Variants in CNTNAP5 observed in about 807,000 individuals in gnomAD.
CNTNAP5 encodes the protein contactin associated protein family member 5.
In CNTNAP5, 72 loss-of-function variants were observed where a neutral mutation model predicts 150.2. The observed-to-expected ratio is 0.48, with a 90% CI of 0.40 to 0.58. The LOEUF is 0.58. Ranked by LOEUF, CNTNAP5 falls within the 20% of genes least tolerant of loss-of-function variation. The pLI is 0.00. For missense variants in CNTNAP5, 1,636 were observed against 1,626.2 expected, an observed-to-expected ratio of 1.01 and a Z score of -0.10; for synonymous variants, 672 against 619.8, an observed-to-expected ratio of 1.08 and a Z score of -1.25.
chr2:124,462,461 A>T (rs140231388), intron 6 of CNTNAP5, among the ~76,000 whole-genome samples: 3 of 152,336 alleles, frequency 2.0e-5, no homozygotes, highest in African/African-American at 4.8e-5. Context: ...ATTGTTTTAC[A>T]TATGATGAAG....
At chr2:124,746,982 A>T (rs188090042) in intron 13 of CNTNAP5, among the ~76,000 whole-genome samples, 78 of 152,200 alleles carry the variant, frequency 5.1e-4, no homozygotes, top group African/African-American at 1.9e-3. Flanking sequence ...ATTTAAATAT[A>T]TAGAAAGAGT....
At chr2:124,835,528 C>T (rs1196680663) in intron 19 of CNTNAP5, among the ~76,000 whole-genome samples, 2 of 152,050 alleles carry the variant, frequency 1.3e-5, no homozygotes, top group East Asian at 1.9e-4. Flanking sequence ...TCCAGAGTGG[C>T]GACATCCAGG....
At chr2:124,578,957 T>C (rs1227748814) in intron 11 of CNTNAP5, among the ~76,000 whole-genome samples, 1 of 152,162 alleles carries the variant, frequency 6.6e-6, no homozygotes, top group Non-Finnish European at 1.5e-5. Context: ...AGGGAGTCTG[T>C]TGTGCACACT....
chr2:124,388,250 A>C (rs577989280), intron 3 of CNTNAP5, among the ~76,000 whole-genome samples: 7 of 152,168 alleles, frequency 4.6e-5, no homozygotes, highest in Non-Finnish European at 8.8e-5. Flanking sequence ...GTGCTGTCAG[A>C]TGGTGGCTAG....
chr2:124,134,074 C>T (rs1683921640), intron 1 of CNTNAP5, among the ~76,000 whole-genome samples: 1 of 152,092 alleles, frequency 6.6e-6, no homozygotes, highest in Admixed American at 6.5e-5. Flanking sequence ...CTAACTCATC[C>T]TACGTGTCAC....
In CNTNAP5 at chr2:124,763,727, G is replaced by C; in HGVS notation, c.2290G>C (p.Val764Leu). The C allele has an allele frequency of 6.2e-7, 1 of 1,613,050 alleles. No homozygotes were observed. ...FKDHLPVTQIVITDTDRSNSE... is the reference protein window; with the variant it reads ...FKDHLPVTQILITDTDRSNSE... ...AGACCACTTGCCTGTCACTCAGATA[G>C]TTATCACTGATACCGACAGATCAAA... Residue 764 changes from valine to leucine, a missense_variant, in exon 15 of 24, where the codon GTT becomes CTT. Physicochemically the swap from Val to Leu is conservative, Grantham distance 32 (BLOSUM62 1). Coordinates refer to ENST00000682447, the MANE Select transcript of CNTNAP5 (RefSeq NM_001367498.1).
chr2:124,810,842 A>G (rs1230372197), intron 19 of CNTNAP5, among the ~76,000 whole-genome samples: 4 of 152,164 alleles, frequency 2.6e-5, no homozygotes, highest in Admixed American at 1.3e-4. Flanking sequence ...TTCATTGTCA[A>G]GATGGGACTG....
chr2:124,478,953 C>A (rs956387463), intron 7 of CNTNAP5, among the ~76,000 whole-genome samples: 1 of 152,188 alleles, frequency 6.6e-6, no homozygotes, highest in East Asian at 1.9e-4. Context: ...ATCCTCATTG[C>A]AATCTGTCAT....
chr2:124,581,663 T>C (rs1696416520), intron 11 of CNTNAP5, among the ~76,000 whole-genome samples: 1 of 152,152 alleles, frequency 6.6e-6, no homozygotes, highest in Admixed American at 6.5e-5. Flanking sequence ...CCACAGGTAA[T>C]GATCAGTCAA....
Position 124,237,785 on chromosome 2 carries a change from C to T in CNTNAP5, c.188-4415C>T, listed in dbSNP as rs867930846. The stretch of plus-strand genomic sequence containing the variant: ...CCATGAGGCAGAGGTTGAAGTGAGC[C>T]GAGATCACACCATTGCACTCCAGCC... On this transcript the variant is annotated intron_variant, in intron 2 of 23. Coordinates refer to ENST00000682447, the MANE Select transcript of CNTNAP5 (RefSeq NM_001367498.1). Among the ~76,000 whole-genome samples, 8 of 151,832 alleles carry T rather than the reference C, an allele frequency of 5.3e-5. 1 individual carries two copies. The highest frequency in any genetic ancestry group is 1.3e-4 in the Admixed American group (2 of 15,244).
intron 13 of CNTNAP5, among the ~76,000 whole-genome samples, chr2:124,707,132 GA>G (rs1558743700): frequency 1.1e-4 from 10 of 93,866 alleles, no homozygotes; most frequent in African/African-American, 3.9e-4. Flanking sequence ...GAAAGAAGAA[GA>G]AGAAGAGGAA....
At chr2:124,474,706 A>T (rs1291750494) in intron 6 of CNTNAP5, 33 bp from the exon 7 acceptor site, 2 of 1,510,618 alleles carry the variant, frequency 1.3e-6, no homozygotes, top group African/African-American at 2.8e-5. Context: ...TGAGCTTAAA[A>T]CTAAGAGTTT....
intron 1 of CNTNAP5, among the ~76,000 whole-genome samples, chr2:124,108,227 C>T (rs943063851): frequency 6.6e-6 from 1 of 152,152 alleles, no homozygotes; most frequent in Admixed American, 6.6e-5. Flanking sequence ...GCTCTAACTT[C>T]ATATAATATC....
intron 1 of CNTNAP5, among the ~76,000 whole-genome samples, chr2:124,094,511 A>C (rs1042735873): frequency 1.3e-5 from 2 of 152,220 alleles, no homozygotes; most frequent in Non-Finnish European, 1.5e-5. Flanking sequence ...TGTCTAATAC[A>C]TATATATGTC....
chr2:124,704,173 G>A (rs1296699345), intron 13 of CNTNAP5, among the ~76,000 whole-genome samples: 2 of 152,152 alleles, frequency 1.3e-5, no homozygotes, highest in Non-Finnish European at 2.9e-5. Flanking sequence ...TCCAAAGATT[G>A]CACTGGGAGT....
At chr2:124,577,704 G>T (rs1269504804) in intron 11 of CNTNAP5, among the ~76,000 whole-genome samples, 1 of 152,074 alleles carries the variant, frequency 6.6e-6, no homozygotes, top group African/African-American at 2.4e-5. Context: ...CAAAATATAG[G>T]CACCAAACAA....
intron 19 of CNTNAP5, among the ~76,000 whole-genome samples, chr2:124,852,885 G>A (rs747112693): frequency 6.6e-6 from 1 of 152,194 alleles, no homozygotes; most frequent in Non-Finnish European, 1.5e-5. Context: ...AAAGAAACAA[G>A]TATGGCTCCT....
At chr2:124,310,057 CTTT>C (rs68193263) in intron 3 of CNTNAP5, among the ~76,000 whole-genome samples, 16 of 144,636 alleles carry the variant, frequency 1.1e-4, no homozygotes, top group Non-Finnish European at 2.1e-4. Flanking sequence ...AATCTCTTAC[CTTT>C]TTTTTTTTTT....
At chr2:124,813,143 C>T (rs1433895553) in intron 19 of CNTNAP5, among the ~76,000 whole-genome samples, 1 of 150,804 alleles carries the variant, frequency 6.6e-6, no homozygotes, top group African/African-American at 2.4e-5. Flanking sequence ...GTGGTGTGAT[C>T]TCGGCTCACT....
Sources: gnomAD v4.1 joint callset for allele counts (sites outside exome capture counted in the v4.1 genomes callset) on GRCh38, gnomAD v4.1.1 for gene constraint, MANE v1.5 for transcripts, NCBI Gene and HGNC (gene_info 2026-07-23, HGNC 2026-07-21) for gene names.